Variants in SULT2A1 observed in about 807,000 individuals in gnomAD.
SULT2A1 encodes sulfotransferase 2A1.
Under a neutral mutation model 33.9 loss-of-function variants are expected in SULT2A1, and 43 were observed. That is an observed-to-expected ratio of 1.27 (90% CI 1.00 to 1.64). The LOEUF is 1.64. SULT2A1 is among the 40% of genes most tolerant of loss of function. SULT2A1 has a pLI of 0.00. For synonymous variants in SULT2A1, 125 were observed against 113.6 expected, an observed-to-expected ratio of 1.10 and a Z score of -0.64; for missense variants, 300 against 335.1, an observed-to-expected ratio of 0.90 and a Z score of 0.82.
Position 47,883,685 on chromosome 19 carries a change from C to G in SULT2A1, c.237G>C (p.Glu79Asp), listed in dbSNP as rs369760395. The G allele has an allele frequency of 6.2e-7, 1 of 1,614,034 alleles. No individual in the cohort carries two copies. The highest frequency in any genetic ancestry group is 8.5e-7 in the Non-Finnish European group (1 of 1,180,036). Residue 79 changes from glutamate to aspartate, a missense_variant, in exon 2 of 6, where the codon GAG becomes GAC. Coordinates refer to ENST00000222002, the MANE Select transcript of SULT2A1 (RefSeq NM_003167.4). The stretch of plus-strand genomic sequence containing the variant: ...TGAGTGCTGTATACCCAATCTCACT[C>G]TCTACCCAGGGTGATCGCTCCCAGA... ...VPIWERSPWV[E>D]SEIGYTALSE...
chr19:47,871,557 C>T lies in SULT2A1; in HGVS notation c.756G>A (p.Gly252=). The T allele has an allele frequency of 6.2e-7, 1 of 1,612,398 alleles. No individual in the cohort carries two copies. Among genetic ancestry groups the T allele is most frequent in the Non-Finnish European group, 8.5e-7 (1 of 1,178,670 alleles). The change falls in exon 6 of 6, where the codon GGG becomes GGA. Residue 252 remains glycine, a synonymous_variant. Coordinates refer to ENST00000222002, the MANE Select transcript of SULT2A1 (RefSeq NM_003167.4). ...KAQLLRKGVS[G]DWKNHFTVAQ... is the part of the protein sequence containing the mutation. The stretch of plus-strand genomic sequence containing the variant: ...CCACTGTGAAGTGATTTTTCCAGTC[C>T]CCAGATACACCTGGAAACAAGAAGC...
rs955869493 is a variant in SULT2A1, at chr19:47,886,202, C to G, written c.56G>C (p.Arg19Thr). The stretch of plus-strand genomic sequence containing the variant: ...ACGTACTTTTCTTAAGGTTTCGGAT[C>G]TGAAACCCATAGTAGGGAAAGCTAT... ...EGIAFPTMGFRSETLRKVRDE... is the reference protein window; with the variant it reads ...EGIAFPTMGFTSETLRKVRDE... The change falls in exon 1 of 6, where the codon AGA becomes ACA. Residue 19 changes from arginine to threonine, a missense_variant. Arg to Thr is a moderately conservative substitution (Grantham distance 71, BLOSUM62 -1). Coordinates refer to ENST00000222002, the MANE Select transcript of SULT2A1 (RefSeq NM_003167.4). 5.0e-6 allele frequency: 8 copies of G among 1,614,052 alleles called. No homozygotes were observed. In the Admixed American group the frequency reaches 8.3e-5, roughly 17 times the overall value.
chr19:47,877,189 C>T (rs1405041389), intron 4 of SULT2A1, among the ~76,000 whole-genome samples: 2 of 151,324 alleles, frequency 1.3e-5, no homozygotes, highest in Non-Finnish European at 2.9e-5. Flanking sequence ...GTACAAAATC[C>T]AATGTTGGTG....
chr19:47,882,225 CGGG>C lies in SULT2A1; in HGVS notation c.346-18_346-16del. Reference sequence around the variant, plus strand: ...AGATAAATCACCTTAAATGGAAAAACGGGAGAATGAAAAATCAATACAGTCAAT... The same window carrying C: ...AGATAAATCACCTTAAATGGAAAAACAGAATGAAAAATCAATACAGTCAAT... On this transcript the variant is annotated splice_polypyrimidine_tract_variant and intron_variant, in intron 2 of 5. Coordinates refer to ENST00000222002, the MANE Select transcript of SULT2A1 (RefSeq NM_003167.4). 1 of 1,603,282 alleles carries C rather than the reference CGGG, an allele frequency of 6.2e-7. No individual in the cohort carries two copies.
intron 4 of SULT2A1, among the ~76,000 whole-genome samples, chr19:47,877,985 A>T (rs1308266291): frequency 6.6e-6 from 1 of 152,190 alleles, no homozygotes; most frequent in Non-Finnish European, 1.5e-5. Flanking sequence ...TGTTCATACC[A>T]GCCAAGCTGA....
At chr19:47,873,918 C>T (rs1275265511) in intron 5 of SULT2A1, among the ~76,000 whole-genome samples, 7 of 151,586 alleles carry the variant, frequency 4.6e-5, no homozygotes, top group Admixed American at 6.6e-5. Context: ...CCACCGCACC[C>T]GGCCCATCCA....
chr19:47,883,650 T>G lies in SULT2A1; in HGVS notation c.272A>C (p.Glu91Ala). 1 of 1,614,072 alleles carries G rather than the reference T, an allele frequency of 6.2e-7. No homozygotes were observed. The highest frequency in any genetic ancestry group is 8.5e-7 in the Non-Finnish European group (1 of 1,180,008). ...GTGGGAGGAGAATAAACGTGGACTCTCCGTTTCACTGAGTGCTGTATACCC... is the reference window on the plus strand; with the variant it reads ...GTGGGAGGAGAATAAACGTGGACTCGCCGTTTCACTGAGTGCTGTATACCC... ...EIGYTALSET[E>A]SPRLFSSHLP... Residue 91 changes from glutamate to alanine, a missense_variant, in exon 2 of 6, where the codon GAG becomes GCG. Physicochemically the swap from Glu to Ala is moderately radical, Grantham distance 107. Transcript: ENST00000222002.
At chr19:47,880,339 C>T (rs930177860) in intron 3 of SULT2A1, among the ~76,000 whole-genome samples, 19 of 150,544 alleles carry the variant, frequency 1.3e-4, no homozygotes, top group Non-Finnish European at 2.5e-4. Flanking sequence ...TGGGGGAAAC[C>T]ACTACTATGA....
At chr19:47,876,218 G>T (rs1968542873) in intron 4 of SULT2A1, among the ~76,000 whole-genome samples, 1 of 152,046 alleles carries the variant, frequency 6.6e-6, no homozygotes, top group Non-Finnish European at 1.5e-5. Context: ...GTATCACCAT[G>T]TTGGCCAAGC....
Position 47,883,789 on chromosome 19 carries a change from G to A in SULT2A1, c.137-4C>T. On this transcript the variant is annotated splice_region_variant and splice_polypyrimidine_tract_variant and intron_variant, in intron 1 of 5. Coordinates refer to ENST00000222002, the MANE Select transcript of SULT2A1 (RefSeq NM_003167.4). ...ATCTCAGCCAACCAGTTTGTTCCTG[G>A]AAAAAGAAGGAAAAAAATATATAAA... The A allele has an allele frequency of 6.2e-7, 1 of 1,613,118 alleles. No individual in the cohort carries two copies. Among genetic ancestry groups the A allele is most frequent in the Non-Finnish European group, 8.5e-7 (1 of 1,179,416 alleles).
At chr19:47,872,950 CAG>C (rs1219557625) in intron 5 of SULT2A1, among the ~76,000 whole-genome samples, 1 of 151,882 alleles carries the variant, frequency 6.6e-6, no homozygotes, top group African/African-American at 2.4e-5. Flanking sequence ...TTAGTAGAAA[CAG>C]AGTTTCACCA....
At chr19:47,873,614 C>CTTTTTTTTTTTTTTTTTTTT (rs61271763) in intron 5 of SULT2A1, among the ~76,000 whole-genome samples, 2 of 62,062 alleles carry the variant, frequency 3.2e-5, no homozygotes, top group African/African-American at 1.6e-4. Context: ...GGACAGATCT[C>CTTTTTTTTTTTTTTTTTTTT]TTTTTTTTTT....
chr19:47,876,114 C>T (rs1968541663), intron 4 of SULT2A1, among the ~76,000 whole-genome samples: 1 of 152,186 alleles, frequency 6.6e-6, no homozygotes, highest in Non-Finnish European at 1.5e-5. Flanking sequence ...CTCCCAGGCT[C>T]AAGCAATTCT....
At chr19:47,880,996 G>A (rs1469372128) in intron 3 of SULT2A1, among the ~76,000 whole-genome samples, 1 of 152,144 alleles carries the variant, frequency 6.6e-6, no homozygotes, top group Non-Finnish European at 1.5e-5. Flanking sequence ...CTTTGCATGA[G>A]GGGTGGAGTA....
chr19:47,878,662 G>A (rs368999716), intron 4 of SULT2A1, among the ~76,000 whole-genome samples: 1 of 151,814 alleles, frequency 6.6e-6, no homozygotes, highest in African/African-American at 2.4e-5. Context: ...GATTACAGGC[G>A]CTCGCCACTG....
At chr19:47,874,332 A>G (rs1204072739) in intron 5 of SULT2A1, among the ~76,000 whole-genome samples, 1 of 151,998 alleles carries the variant, frequency 6.6e-6, no homozygotes, top group African/African-American at 2.4e-5. Flanking sequence ...CAAGGTCAGG[A>G]GATCGAGACC....
chr19:47,872,391 C>T (rs1192187490), intron 5 of SULT2A1, among the ~76,000 whole-genome samples: 1 of 152,128 alleles, frequency 6.6e-6, no homozygotes, highest in African/African-American at 2.4e-5. Flanking sequence ...TGTGGCTTCT[C>T]TGAGCTCATC....
chr19:47,881,092 G>A (rs1001711913), intron 3 of SULT2A1, among the ~76,000 whole-genome samples: 3 of 152,106 alleles, frequency 2.0e-5, no homozygotes, highest in African/African-American at 7.2e-5. Context: ...CTGGGGTGCA[G>A]TGGCGTGATC....
chr19:47,873,937 C>T (rs1968517765), intron 5 of SULT2A1, among the ~76,000 whole-genome samples: 1 of 151,846 alleles, frequency 6.6e-6, no homozygotes, highest in African/African-American at 2.4e-5. Context: ...CAGGACAGAT[C>T]TCTATGCTAA....
Sources: allele counts gnomAD v4.1 joint callset (sites outside exome capture counted in the v4.1 genomes callset), GRCh38; gene constraint gnomAD v4.1.1; transcripts MANE v1.5; gene names NCBI Gene and HGNC (gene_info 2026-07-23, HGNC 2026-07-21).